DENND1A: variants seen among roughly 807,000 people sequenced by gnomAD.
The protein encoded by DENND1A is DENN domain-containing protein 1A.
Under a neutral mutation model 113.7 loss-of-function variants are expected in DENND1A, and 51 were observed. The ratio of observed to expected loss-of-function variants is 0.45; its 90% CI spans 0.36 to 0.57. The LOEUF is 0.57. Among genes scored for constraint, DENND1A ranks in the 20% least tolerant of loss-of-function variants. DENND1A has a pLI of 0.00. For missense variants in DENND1A, 1,258 were observed against 1,395.9 expected (o/e 0.90, Z 1.57); for synonymous variants, 565 against 570.8 (o/e 0.99, Z 0.14).
At position 123,555,271 on chromosome 9, in the gene DENND1A, C is replaced by G. The variant is rs139963936; in HGVS notation, c.993+2299G>C. Among the ~76,000 whole-genome samples the G allele has an allele frequency of 1.5e-3, 221 of 152,338 alleles. 1 individual carries two copies. The highest frequency in any genetic ancestry group is 5.2e-3 in the African/African-American group (217 of 41,580). On this transcript the variant is annotated intron_variant, in intron 13 of 23. Transcript: ENST00000394215. ...CTCCAGCTCTCCTTTTAGTCCATCACTGTACTACTGCTCAAAGGCAACTTC... is the reference window on the plus strand; with the variant it reads ...CTCCAGCTCTCCTTTTAGTCCATCAGTGTACTACTGCTCAAAGGCAACTTC...
rs1588518226 is a variant in DENND1A, at chr9:123,436,358, A to G, written c.1488+4002T>C. On this transcript the variant is annotated intron_variant, in intron 19 of 23. Transcript: ENST00000394215. ...TGGAGAGACCTGCCATTGTCCACTT[A>G]TCTCGAGTGGAGAAACGCGGTCTTC... Among the ~76,000 whole-genome samples, 2 of 152,324 alleles carry G rather than the reference A, an allele frequency of 1.3e-5. 1 individual carries two copies. Among genetic ancestry groups the G allele is most frequent in the South Asian group, 4.1e-4 (2 of 4,824 alleles).
intron 12 of DENND1A, among the ~76,000 whole-genome samples, chr9:123,570,602 G>A (rs2058302696): frequency 6.6e-6 from 1 of 152,138 alleles, no homozygotes; most frequent in African/African-American, 2.4e-5. Flanking sequence ...GAGAATAAAG[G>A]TTATGTCTTA....
In DENND1A at chr9:123,772,717, G is replaced by A. The variant is rs577390292; in HGVS notation, c.133-3154C>T. 8.5e-5 allele frequency among the ~76,000 whole-genome samples: 13 copies of A among 152,140 alleles called. No individual in the cohort carries two copies. The East Asian group carries it at 2.5e-3, about 29-fold the overall frequency. On this transcript the variant is annotated intron_variant, in intron 3 of 23. Transcript: ENST00000394215. Reference sequence around the variant, plus strand: ...GTTTGATTTTTTAACATTTTAATGAGCAAAAAAGTGAATCTATAGTAGCCA... The same window carrying A: ...GTTTGATTTTTTAACATTTTAATGAACAAAAAAGTGAATCTATAGTAGCCA...
intron 5 of DENND1A, among the ~76,000 whole-genome samples, chr9:123,716,339 T>C (rs1038711613): frequency 1.3e-5 from 2 of 152,232 alleles, no homozygotes; most frequent in Non-Finnish European, 2.9e-5. Context: ...CATTTGCTTT[T>C]AAAAGTTCCC....
intron 2 of DENND1A, among the ~76,000 whole-genome samples, chr9:123,837,713 T>C (rs1841245896): frequency 6.6e-6 from 1 of 152,090 alleles, no homozygotes; most frequent in Non-Finnish European, 1.5e-5. Context: ...GCACCTCTTT[T>C]CCTAAAGAAA....
At chr9:123,908,852 A>C (rs546571117) in intron 1 of DENND1A, among the ~76,000 whole-genome samples, 3 of 152,374 alleles carry the variant, frequency 2.0e-5, no homozygotes, top group Admixed American at 2.0e-4. Flanking sequence ...TACTGGGTAT[A>C]TACCCAAAGG....
intron 13 of DENND1A, among the ~76,000 whole-genome samples, chr9:123,516,371 T>C (rs531321387): frequency 6.6e-6 from 1 of 151,940 alleles, no homozygotes; most frequent in East Asian, 1.9e-4. Context: ...CTTATGTAAA[T>C]AAAAATAAGA....
intron 5 of DENND1A, among the ~76,000 whole-genome samples, chr9:123,721,253 T>C (rs1184128345): frequency 4.6e-5 from 7 of 152,244 alleles, no homozygotes. Flanking sequence ...AGCCACCACA[T>C]GACCTGTGAG....
At chr9:123,491,200 T>C (rs2051342500) in intron 13 of DENND1A, among the ~76,000 whole-genome samples, 1 of 152,170 alleles carries the variant, frequency 6.6e-6, no homozygotes, top group Non-Finnish European at 1.5e-5. Context: ...CTTTTTAGAA[T>C]GAGGTTCCCT....
intron 1 of DENND1A, among the ~76,000 whole-genome samples, chr9:123,895,534 A>C (rs942612498): frequency 6.6e-6 from 1 of 151,922 alleles, no homozygotes; most frequent in African/African-American, 2.4e-5. Flanking sequence ...AGGTAGGAGA[A>C]TCACTTGAAC....
At chr9:123,572,947 T>A (rs1039282698) in intron 12 of DENND1A, among the ~76,000 whole-genome samples, 1 of 152,186 alleles carries the variant, frequency 6.6e-6, no homozygotes, top group African/African-American at 2.4e-5. Flanking sequence ...AGGTCTATAG[T>A]CTATTTTGAG....
chr9:123,842,308 C>T (rs1446635570), intron 2 of DENND1A, among the ~76,000 whole-genome samples: 2 of 152,156 alleles, frequency 1.3e-5, no homozygotes, highest in African/African-American at 4.8e-5. Context: ...GAAACAGCAT[C>T]TGAAAATGAC....
chr9:123,402,264 G>GCACA (rs2131301413), intron 21 of DENND1A, among the ~76,000 whole-genome samples: 1 of 147,382 alleles, frequency 6.8e-6, no homozygotes, highest in East Asian at 1.9e-4. Context: ...ACACACACAC[G>GCACA]CACGCACACA....
Position 123,796,764 on chromosome 9 carries a change from C to T in DENND1A, c.89-4134G>A, listed in dbSNP as rs1048025226. On this transcript the variant is annotated intron_variant, in intron 2 of 23. Transcript: ENST00000394215. ...TAACTCCTATGTGTACATACACACA[C>T]ACACACACACACACACACACACACA... Among the ~76,000 whole-genome samples, 7 of 148,932 alleles carry T rather than the reference C, an allele frequency of 4.7e-5. No homozygotes were observed. The East Asian group carries it at 9.7e-4, about 21-fold the overall frequency.
intron 1 of DENND1A, among the ~76,000 whole-genome samples, chr9:123,900,439 T>G (rs1851430048): frequency 6.6e-6 from 1 of 152,062 alleles, no homozygotes; most frequent in Non-Finnish European, 1.5e-5. Flanking sequence ...TAACAGCCAG[T>G]GATGATAACA....
intron 2 of DENND1A, among the ~76,000 whole-genome samples, chr9:123,863,641 A>C (rs535540083): frequency 1.3e-5 from 2 of 152,188 alleles, no homozygotes; most frequent in Non-Finnish European, 2.9e-5. Context: ...TTGTATTACC[A>C]TCTTCCTTGA....
chr9:123,548,660 C>A (rs1320670429), intron 13 of DENND1A, among the ~76,000 whole-genome samples: 1 of 152,146 alleles, frequency 6.6e-6, no homozygotes, highest in Non-Finnish European at 1.5e-5. Flanking sequence ...ATAGAAACAA[C>A]CCAGGTGTCC....
chr9:123,922,185 T>C (rs1202408899), intron 1 of DENND1A, among the ~76,000 whole-genome samples: 1 of 152,090 alleles, frequency 6.6e-6, no homozygotes, highest in Non-Finnish European at 1.5e-5. Flanking sequence ...CCACCCTCCT[T>C]GGCCTCCCAA....
chr9:123,418,077 T>C (rs183899272), intron 19 of DENND1A, among the ~76,000 whole-genome samples: 1 of 152,176 alleles, frequency 6.6e-6, no homozygotes, highest in Non-Finnish European at 1.5e-5. Flanking sequence ...GGGAGGGATA[T>C]AATCAGAGAC....
Sources: gnomAD v4.1 joint callset for allele counts (sites outside exome capture counted in the v4.1 genomes callset) on GRCh38, gnomAD v4.1.1 for gene constraint, MANE v1.5 for transcripts, NCBI Gene and HGNC (gene_info 2026-07-23, HGNC 2026-07-21) for gene names.